PHLDB2: variants seen among roughly 807,000 people sequenced by gnomAD.
PHLDB2 encodes pleckstrin homology like domain family B member 2, also known as pleckstrin homology-like domain family B member 2.
Under a neutral mutation model 123.6 loss-of-function variants are expected in PHLDB2, and 71 were observed. That is an observed-to-expected ratio of 0.57 (90% CI 0.47 to 0.70). The LOEUF (loss-of-function observed/expected upper bound fraction) is 0.70. PHLDB2 is among the 30% of genes least tolerant of loss of function. The probability of loss-of-function intolerance (pLI) is 0.00; values close to 1 mark genes in which losing one functional copy is unlikely to be tolerated. For missense variants in PHLDB2, 1,446 were observed against 1,519.5 expected (o/e 0.95, Z 0.80); for synonymous variants, 547 against 541.6 (o/e 1.01, Z -0.14).
chr3:111,949,561 G>T, intron 10 of PHLDB2: 1 of 333,838 alleles, frequency 3.0e-6, no homozygotes, highest in Non-Finnish European at 4.3e-6. Flanking sequence ...TTAATAAGAG[G>T]CTAAATTGAA....
intron 1 of PHLDB2, among the ~76,000 whole-genome samples, chr3:111,793,456 G>T (rs2061017734): frequency 2.0e-5 from 3 of 152,000 alleles, no homozygotes; most frequent in Admixed American, 2.0e-4. Flanking sequence ...GGTCCAGGGA[G>T]CCAAGGCCTG....
intron 1 of PHLDB2, among the ~76,000 whole-genome samples, chr3:111,880,888 T>C (rs925230649): frequency 3.4e-4 from 52 of 152,364 alleles, no homozygotes; most frequent in African/African-American, 1.2e-3. Context: ...TTTCCTGTTA[T>C]CTTGCTATTT....
chr3:111,853,519 T>C (rs564723186), intron 2 of PHLDB2, among the ~76,000 whole-genome samples: 2 of 152,166 alleles, frequency 1.3e-5, no homozygotes, highest in Non-Finnish European at 2.9e-5. Context: ...CTGCTGGGTG[T>C]TCTTTTTGTG....
At chr3:111,856,312 G>A (rs552991583), upstream of PHLDB2, among the ~76,000 whole-genome samples, 12 of 152,212 alleles carry the variant, frequency 7.9e-5, no homozygotes, top group East Asian at 1.7e-3. Context: ...TTAGAAAAGA[G>A]GTAGAAGGTA....
At chr3:111,865,226 A>G (rs370525006) in intron 1 of PHLDB2, among the ~76,000 whole-genome samples, 1 of 152,200 alleles carries the variant, frequency 6.6e-6, no homozygotes, top group Admixed American at 6.5e-5. Context: ...TATTAAGGAA[A>G]CTGCAAGCCA....
At chr3:111,784,319 C>CA (rs1294844500) in intron 1 of PHLDB2, among the ~76,000 whole-genome samples, 3 of 152,156 alleles carry the variant, frequency 2.0e-5, no homozygotes, top group Non-Finnish European at 4.4e-5. Context: ...GGACTGTCTG[C>CA]AAAAATTGTT....
chr3:111,967,791 G>C lies in PHLDB2; in HGVS notation c.3282G>C (p.Lys1094Asn). ...ETSQRQKLIEKEVKIRERQRA... is the reference protein window; with the variant it reads ...ETSQRQKLIENEVKIRERQRA... ...GCCAGAGGCAGAAGTTAATAGAAAAGGAAGTAAAAATAAGGGAGAGACAAA... is the reference window on the plus strand; with the variant it reads ...GCCAGAGGCAGAAGTTAATAGAAAACGAAGTAAAAATAAGGGAGAGACAAA... Residue 1094 changes from lysine to asparagine, a missense_variant, in exon 15 of 18, where the codon AAG (lysine) becomes AAC (asparagine). Physicochemically the swap from Lys to Asn is moderately conservative, Grantham distance 94 (BLOSUM62 0). Transcript: ENST00000431670. The C allele has an allele frequency of 6.2e-7, 1 of 1,611,716 alleles. No individual in the cohort carries two copies.
chr3:111,883,833 C>A, intron 1 of PHLDB2: 1 of 462,560 alleles, frequency 2.2e-6, no homozygotes, highest in Non-Finnish European at 3.8e-6. Context: ...GCTCAAATGT[C>A]ATTGCTGTCC....
chr3:111,776,979 G>A (rs1166294478), intron 1 of PHLDB2, among the ~76,000 whole-genome samples: 2 of 152,002 alleles, frequency 1.3e-5, no homozygotes, highest in African/African-American at 4.8e-5. Context: ...ACGGTGAAGG[G>A]GCCAAAGAAA....
upstream of PHLDB2, among the ~76,000 whole-genome samples, chr3:111,855,409 C>T (rs1164937263): frequency 2.7e-5 from 3 of 109,740 alleles, no homozygotes; most frequent in Non-Finnish European, 6.1e-5. Flanking sequence ...CTCTTTCTTC[C>T]TTCCTTCCTT....
chr3:111,914,525 AT>A, intron 3 of PHLDB2: 1 of 152,274 alleles, frequency 6.6e-6, no homozygotes, highest in South Asian at 2.1e-4. Flanking sequence ...TAGAAGTTTA[AT>A]TTGCTTTTCT....
At chr3:111,933,761 C>T (rs1332597708) in intron 6 of PHLDB2, among the ~76,000 whole-genome samples, 2 of 152,096 alleles carry the variant, frequency 1.3e-5, no homozygotes, top group Non-Finnish European at 2.9e-5. Context: ...TGCTAGTTAA[C>T]AAAAGAGATG....
At chr3:111,837,592 G>A (rs1209285000) in intron 1 of PHLDB2, among the ~76,000 whole-genome samples, 1 of 152,208 alleles carries the variant, frequency 6.6e-6, no homozygotes, top group Non-Finnish European at 1.5e-5. Flanking sequence ...TTGCTAAGGA[G>A]GGGCTATAGA....
intron 2 of PHLDB2, among the ~76,000 whole-genome samples, chr3:111,900,611 T>C (rs1052095116): frequency 6.6e-6 from 1 of 152,208 alleles, no homozygotes; most frequent in African/African-American, 2.4e-5. Flanking sequence ...ACAATAGTAA[T>C]GTCAAAGATC....
At chr3:111,784,952 A>G (rs2060623005) in intron 1 of PHLDB2, among the ~76,000 whole-genome samples, 1 of 152,124 alleles carries the variant, frequency 6.6e-6, no homozygotes, top group Non-Finnish European at 1.5e-5. Flanking sequence ...TTAATATTTC[A>G]CTTAGAATAA....
intron 15 of PHLDB2, among the ~76,000 whole-genome samples, chr3:111,968,075 G>T (rs1240621606): frequency 6.7e-6 from 1 of 150,232 alleles, no homozygotes; most frequent in Non-Finnish European, 1.5e-5. Context: ...GGAACGTTTT[G>T]CCAGGAGCAG....
intron 1 of PHLDB2, among the ~76,000 whole-genome samples, chr3:111,834,021 TTA>T (rs1328238899): frequency 1.8e-5 from 2 of 109,662 alleles, no homozygotes; most frequent in East Asian, 2.9e-4. Flanking sequence ...TGTAATAGAA[TTA>T]TATATATAAT....
At position 111,763,808 on chromosome 3, in the gene PHLDB2, G is replaced by A. The variant is rs566355847; in HGVS notation, c.-49+31105G>A. On this transcript the variant is annotated intron_variant, in intron 1 of 17. Transcript: ENST00000393923. ...ATGACACAGTGAGAAGGCACCATTC[G>A]TGAACCAGGAAACAGTCCCTCACCA... Among the ~76,000 whole-genome samples, 43 of 152,198 alleles carry A rather than the reference G, an allele frequency of 2.8e-4. 1 individual carries two copies. Among genetic ancestry groups the A allele is most frequent in the African/African-American group, 4.1e-4 (17 of 41,522 alleles).
chr3:111,773,023 TTAAG>T (rs1160369565), intron 1 of PHLDB2, among the ~76,000 whole-genome samples: 2 of 152,172 alleles, frequency 1.3e-5, no homozygotes, highest in Non-Finnish European at 2.9e-5. Flanking sequence ...TTTCTTGAGT[TTAAG>T]TATAGAAGCA....
Sources: allele counts gnomAD v4.1 joint callset (sites outside exome capture counted in the v4.1 genomes callset), GRCh38; gene constraint gnomAD v4.1.1; transcripts MANE v1.5; gene names NCBI Gene and HGNC (gene_info 2026-07-23, HGNC 2026-07-21).